The following OR5V1 variants were observed in gnomAD, a reference collection of about 807,000 sequenced individuals.
OR5V1 encodes the protein olfactory receptor 5V1.
For synonymous variants in OR5V1, 134 were observed against 143.2 expected, an observed-to-expected ratio of 0.94 and a Z score of 0.46; for missense variants, 365 against 371.5, an observed-to-expected ratio of 0.98 and a Z score of 0.14.
At position 29,354,973 on chromosome 6, in the gene OR5V1, C is replaced by A; in HGVS notation, c.*257G>T. Reference sequence around the variant, plus strand: ...GTGATGAAGTCCATTAAACAAATATCTCATGAAAGAGGGAAACAGTCTTTG... The same window carrying A: ...GTGATGAAGTCCATTAAACAAATATATCATGAAAGAGGGAAACAGTCTTTG... On this transcript the variant is annotated 3_prime_UTR_variant, in exon 2 of 2. Coordinates refer to ENST00000641768, the MANE Select transcript of OR5V1 (RefSeq NM_030876.6). The A allele has an allele frequency of 2.8e-6, 1 of 360,572 alleles. No homozygotes were observed. The highest frequency in any genetic ancestry group is 4.4e-5 in the Admixed American group (1 of 22,658). 22.3% of individuals were successfully genotyped at this position (360,572 alleles called of 1,614,324 possible).
In OR5V1 at chr6:29,355,574, A is replaced by G. The variant is rs755498768; in HGVS notation, c.622T>C (p.Trp208Arg). 1.9e-6 allele frequency: 3 copies of G among 1,614,066 alleles called. No homozygotes were observed. The highest frequency in any genetic ancestry group is 2.2e-5 in the South Asian group (2 of 91,074). ...ALLSTGVFIGWTPFLCIVLSY... is the reference protein window; with the variant it reads ...ALLSTGVFIGRTPFLCIVLSY... ...AGTACGATACAAAGGAAAGGAGTCC[A>G]ACCAATGAAGACCCCAGTGGATAGC... Residue 208 changes from tryptophan to arginine, a missense_variant, in exon 2 of 2, where the codon TGG becomes CGG. Physicochemically the swap from Trp to Arg is moderately radical, Grantham distance 101. Coordinates refer to ENST00000641768, the MANE Select transcript of OR5V1 (RefSeq NM_030876.6).
chr6:29,365,890 A>G (rs1487608831), intron 1 of OR5V1, among the ~76,000 whole-genome samples: 1 of 152,222 alleles, frequency 6.6e-6, no homozygotes, highest in Admixed American at 6.5e-5. Context: ...AGTAGCAAAG[A>G]CTTGGAACCA....
chr6:29,356,736 A>C (rs1049182862), intron 1 of OR5V1, among the ~76,000 whole-genome samples: 1 of 152,190 alleles, frequency 6.6e-6, no homozygotes, highest in Non-Finnish European at 1.5e-5. Flanking sequence ...TTAAAACATT[A>C]AAAATCTTTA....
Position 29,363,434 on chromosome 6 carries a change from C to T in OR5V1, c.-83+5198G>A, listed in dbSNP as rs115002051. ...CAAACAATAAAAAAGAGGGACTCCTCTCTAGCTCATTTTATGAGGCCAGCA... is the reference window on the plus strand; with the variant it reads ...CAAACAATAAAAAAGAGGGACTCCTTTCTAGCTCATTTTATGAGGCCAGCA... On this transcript the variant is annotated intron_variant, in intron 1 of 1. Transcript: ENST00000641768. Among the ~76,000 whole-genome samples the T allele has an allele frequency of 1.7e-3, 262 of 152,286 alleles. 2 individuals are homozygous for T. Among genetic ancestry groups the T allele is most frequent in the Non-Finnish European group, 2.1e-3 (142 of 68,018 alleles).
chr6:29,362,365 T>A (rs1295353699), intron 1 of OR5V1, among the ~76,000 whole-genome samples: 1 of 152,140 alleles, frequency 6.6e-6, no homozygotes, highest in African/African-American at 2.4e-5. Flanking sequence ...ACTGTCAATA[T>A]TAGACAGATC....
chr6:29,360,068 G>A (rs1002023837), intron 1 of OR5V1, among the ~76,000 whole-genome samples: 17 of 152,142 alleles, frequency 1.1e-4, no homozygotes, highest in Admixed American at 1.0e-3. Context: ...CTGGATGATC[G>A]AGCTTGTTGT....
chr6:29,367,593 ATTAG>A (rs1178733641), intron 1 of OR5V1, among the ~76,000 whole-genome samples: 1 of 152,188 alleles, frequency 6.6e-6, no homozygotes, highest in Non-Finnish European at 1.5e-5. Flanking sequence ...TAACATTTAT[ATTAG>A]TTAGAGTAGA....
At chr6:29,361,331 G>A (rs1190792800) in intron 1 of OR5V1, among the ~76,000 whole-genome samples, 1 of 152,112 alleles carries the variant, frequency 6.6e-6, no homozygotes. Context: ...GTAACATGGA[G>A]AATGAGACCA....
In OR5V1 at chr6:29,356,096, T is replaced by G; in HGVS notation, c.100A>C (p.Thr34Pro). The G allele has an allele frequency of 6.2e-7, 1 of 1,613,880 alleles. No homozygotes were observed. The highest frequency in any genetic ancestry group is 8.5e-7 in the Non-Finnish European group (1 of 1,179,890). ...QFLLFTIFFL[T>P]YFCTLGGNIL... Reference sequence around the variant, plus strand: ...TTTCCTCCCAAAGTACAGAAATAAGTCAGAAAGAAGATGGTGAATAGTAAA... The same window carrying G: ...TTTCCTCCCAAAGTACAGAAATAAGGCAGAAAGAAGATGGTGAATAGTAAA... Residue 34 changes from threonine (T) to proline (P), a missense_variant, in exon 2 of 2, where the codon ACT becomes CCT. Physicochemically the swap from Thr to Pro is conservative, Grantham distance 38. Transcript: ENST00000641768.
chr6:29,355,623 G>T lies in OR5V1; in HGVS notation c.573C>A (p.Asn191Lys), dbSNP rs1308464131. ...GCAGTGCCAACTCATTGACAGAAGT[G>T]TTTCCACAAGACAAGATCAGCAAAG... is the stretch of plus-strand genomic sequence containing the variant. Reference protein sequence around the residue: ...IPPLLILSCGNTSVNELALLS... With the variant: ...IPPLLILSCGKTSVNELALLS... Residue 191 changes from asparagine (N) to lysine (K), a missense_variant, in exon 2 of 2, where the codon AAC becomes AAA. Physicochemically the swap from Asn to Lys is moderately conservative, Grantham distance 94. Transcript: ENST00000641768. 2 of 1,613,882 alleles carry T rather than the reference G, an allele frequency of 1.2e-6. No individual in the cohort carries two copies. The highest frequency in any genetic ancestry group is 1.7e-6 in the Non-Finnish European group (2 of 1,179,938).
chr6:29,356,411 A>G (rs1210561219), intron 1 of OR5V1, 134 bp from the exon 2 acceptor site: 3 of 505,860 alleles, frequency 5.9e-6, no homozygotes, highest in Non-Finnish European at 1.0e-5. Context: ...CCAATGTTTC[A>G]CCTGCAGATC....
At chr6:29,365,871 A>G (rs1384227555) in intron 1 of OR5V1, among the ~76,000 whole-genome samples, 1 of 152,214 alleles carries the variant, frequency 6.6e-6, no homozygotes, top group Non-Finnish European at 1.5e-5. Context: ...TTATTGTGGC[A>G]TTATTTAAAG....
At chr6:29,361,675 G>A (rs1778573311) in intron 1 of OR5V1, among the ~76,000 whole-genome samples, 1 of 152,048 alleles carries the variant, frequency 6.6e-6, no homozygotes, top group Non-Finnish European at 1.5e-5. Context: ...TTTGCATACA[G>A]CCAAACTAAG....
chr6:29,355,240 A>G lies in OR5V1; in HGVS notation c.956T>C (p.Leu319Pro). The G allele has an allele frequency of 6.3e-7, 1 of 1,585,920 alleles. No individual in the cohort carries two copies. Among genetic ancestry groups the G allele is most frequent in the South Asian group, 1.2e-5 (1 of 85,246 alleles). The part of the protein sequence containing the change: ...QPPISSLDSK[L>P]TY ...TTGAACCTGTGAGGTTCAATAAGTG[A>G]GTTTACTATCCAAAGAGGAAATTGG... Residue 319 changes from leucine to proline, a missense_variant, in exon 2 of 2, where the codon CTC becomes CCC. Physicochemically the swap from Leu to Pro is moderately conservative, Grantham distance 98. Coordinates refer to ENST00000641768, the MANE Select transcript of OR5V1 (RefSeq NM_030876.6).
chr6:29,355,501 T>G lies in OR5V1; in HGVS notation c.695A>C (p.Glu232Ala), dbSNP rs1178883035. The change falls in exon 2 of 2, where the codon GAG becomes GCG. Residue 232 changes from glutamate to alanine, a missense_variant. Transcript: ENST00000641768. ...ISTILRIQSS[E>A]GRRKAFSTCA... ...TGTAGAGAAGGCTTTTCGTCTTCCCTCTGAGGACTGGATCCTCAAGATGGT... is the reference window on the plus strand; with the variant it reads ...TGTAGAGAAGGCTTTTCGTCTTCCCGCTGAGGACTGGATCCTCAAGATGGT... 6.2e-7 allele frequency: 1 copy of G among 1,613,974 alleles called. No individual in the cohort carries two copies.
At chr6:29,364,067 T>A (rs532682882) in intron 1 of OR5V1, among the ~76,000 whole-genome samples, 122 of 152,210 alleles carry the variant, frequency 8.0e-4, no homozygotes, top group Non-Finnish European at 1.5e-3. Context: ...AGCCCAAAAC[T>A]CCTTAGGCTG....
chr6:29,356,012 A>T lies in OR5V1; in HGVS notation c.184T>A (p.Phe62Ile). The change falls in exon 2 of 2, where the codon TTT (phenylalanine) becomes ATT (isoleucine). Residue 62 changes from phenylalanine (F) to isoleucine (I), a missense_variant. Physicochemically the swap from Phe to Ile is conservative, Grantham distance 21. Coordinates refer to ENST00000641768, the MANE Select transcript of OR5V1 (RefSeq NM_030876.6). Reference protein sequence around the residue: ...DPHLHTPMYYFLGNLAFIDIC... With the variant: ...DPHLHTPMYYILGNLAFIDIC... ...TCAATAAAGGCCAAGTTCCCTAGAA[A>T]ATAATACATAGGTGTATGCAGGTGT... The T allele has an allele frequency of 6.2e-7, 1 of 1,614,094 alleles. No individual in the cohort carries two copies. Among genetic ancestry groups the T allele is most frequent in the Non-Finnish European group, 8.5e-7 (1 of 1,179,972 alleles).
At chr6:29,359,000 G>T (rs1165782970) in intron 1 of OR5V1, among the ~76,000 whole-genome samples, 1 of 152,168 alleles carries the variant, frequency 6.6e-6, no homozygotes, top group African/African-American at 2.4e-5. Flanking sequence ...TATTTAGCCT[G>T]CTGTACTCAT....
At chr6:29,360,366 C>T (rs1778509799) in intron 1 of OR5V1, among the ~76,000 whole-genome samples, 1 of 152,196 alleles carries the variant, frequency 6.6e-6, no homozygotes, top group South Asian at 2.1e-4. Flanking sequence ...TCCTGCCTGC[C>T]GGCTCTGAAG....
Sources: gnomAD v4.1 joint callset for allele counts (sites outside exome capture counted in the v4.1 genomes callset) on GRCh38, gnomAD v4.1.1 for gene constraint, MANE v1.5 for transcripts, NCBI Gene and HGNC (gene_info 2026-07-23, HGNC 2026-07-21) for gene names.